SLC13A1: variants seen among roughly 807,000 people sequenced by gnomAD.
SLC13A1 encodes the protein Na(+)/sulfate cotransporter.
In SLC13A1, 65 loss-of-function variants were observed where a neutral mutation model predicts 70.0. That is an observed-to-expected ratio of 0.93 (90% CI 0.76 to 1.14). The LOEUF is 1.14. Among genes scored for constraint, SLC13A1 ranks in the 50% most tolerant of loss-of-function variants. The pLI, the probability that SLC13A1 is intolerant of heterozygous loss-of-function variation, is 0.00. For synonymous variants in SLC13A1, 275 were observed against 250.5 expected (o/e 1.10, Z -0.92); for missense variants, 726 against 717.8 (o/e 1.01, Z -0.13).
intron 11 of SLC13A1, among the ~76,000 whole-genome samples, 155 bp from the exon 12 acceptor site, chr7:123,123,390 C>A (rs974669000): frequency 2.0e-5 from 3 of 151,952 alleles, no homozygotes; most frequent in African/African-American, 7.3e-5. Flanking sequence ...TAATTTCCAC[C>A]TGGACTAGGT....
At position 123,116,652 on chromosome 7, in the gene SLC13A1, G is replaced by A. The variant is rs80098681; in HGVS notation, c.1650+819C>T. 3.3e-3 allele frequency among the ~76,000 whole-genome samples: 502 copies of A among 152,164 alleles called. 1 individual carries two copies. The highest frequency in any genetic ancestry group is 0.011 in the African/African-American group (473 of 41,496). ...GCATTACTTATATTCTATTATGCAC[G>A]TTTTCCTTACCAAATGCATATTATT... On this transcript the variant is annotated intron_variant, in intron 14 of 14. Coordinates refer to ENST00000194130, the MANE Select transcript of SLC13A1 (RefSeq NM_022444.4).
rs546735693 is a variant in SLC13A1 at position 123,197,464 on chromosome 7, C to T, written c.99+2384G>A. Among the ~76,000 whole-genome samples, 81 of 152,134 alleles carry T rather than the reference C, an allele frequency of 5.3e-4. 1 individual carries two copies. In the South Asian group the frequency reaches 0.016, roughly 30 times the overall value. On this transcript the variant is annotated intron_variant, in intron 1 of 14. Coordinates refer to ENST00000194130, the MANE Select transcript of SLC13A1 (RefSeq NM_022444.4). ...TGACTTGCATTTATGTTAAAGTAAA[C>T]TTCTCCTTAAATTTTATACCCTCCA... is the stretch of plus-strand genomic sequence containing the variant.
At position 123,171,886 on chromosome 7, in the gene SLC13A1, T is replaced by C; in HGVS notation, c.247A>G (p.Lys83Glu). ...CCAATTAGCAGTAAGTGAAAATCCT[T>C]GAAATAAGCAGATGCCACCTGAAAT... ...PSKKVASAYF[K>E]DFHLLLIGVI... Residue 83 changes from lysine (K) to glutamate (E), a missense_variant, in exon 3 of 15, where the codon AAG becomes GAG. Lys to Glu is a moderately conservative substitution (Grantham distance 56). Coordinates refer to ENST00000194130, the MANE Select transcript of SLC13A1 (RefSeq NM_022444.4). The C allele has an allele frequency of 6.2e-7, 1 of 1,612,952 alleles. No individual in the cohort carries two copies. The highest frequency in any genetic ancestry group is 1.1e-5 in the South Asian group (1 of 90,744).
At chr7:123,148,567 C>T (rs1310218169) in intron 6 of SLC13A1, 1 of 389,648 alleles carries the variant, frequency 2.6e-6, no homozygotes, top group African/African-American at 2.2e-5. Flanking sequence ...TTTGATTCTT[C>T]CTCTTCCTGT....
intron 6 of SLC13A1, among the ~76,000 whole-genome samples, chr7:123,155,841 T>C (rs2116468919): frequency 6.6e-6 from 1 of 152,200 alleles, no homozygotes; most frequent in South Asian, 2.1e-4. Flanking sequence ...CCAGTGTAGG[T>C]AGAAGGCCGG....
intron 10 of SLC13A1, among the ~76,000 whole-genome samples, chr7:123,127,814 T>G (rs1420462641): frequency 1.3e-5 from 2 of 151,104 alleles, no homozygotes; most frequent in African/African-American, 4.9e-5. Context: ...ACCTAAACAA[T>G]TTTGGTTTCT....
rs750687998 is a variant in SLC13A1 at position 123,147,223 on chromosome 7, T to G, written c.748A>C (p.Ile250Leu). ...TCLCIAYSST[I>L]GGLTTITGTS... ...CCAGTGATTGTTGTCAGTCCACCAATGGTAGAAGAGTAGGCAATGCACAAA... is the reference window on the plus strand; with the variant it reads ...CCAGTGATTGTTGTCAGTCCACCAAGGGTAGAAGAGTAGGCAATGCACAAA... Residue 250 changes from isoleucine to leucine, a missense_variant, in exon 7 of 15, where the codon ATT becomes CTT. Physicochemically the swap from Ile to Leu is conservative, Grantham distance 5 (BLOSUM62 2). Transcript: ENST00000194130. 6.2e-6 allele frequency: 10 copies of G among 1,613,650 alleles called. No individual in the cohort carries two copies. The highest frequency in any genetic ancestry group is 8.5e-6 in the Non-Finnish European group (10 of 1,179,834).
At chr7:123,195,409 T>C (rs758971952) in intron 1 of SLC13A1, among the ~76,000 whole-genome samples, 5 of 152,020 alleles carry the variant, frequency 3.3e-5, no homozygotes, top group Non-Finnish European at 5.9e-5. Context: ...TTAAAACTTA[T>C]CTGTTTTCTT....
chr7:123,169,358 G>A, intron 3 of SLC13A1, 23 bp from the exon 4 acceptor site: 1 of 1,605,978 alleles, frequency 6.2e-7, no homozygotes, highest in Non-Finnish European at 8.5e-7. Flanking sequence ...AGCCATTATT[G>A]TGGAGCTGTG....
At chr7:123,117,331 A>T (rs1321006913) in intron 14 of SLC13A1, 140 bp downstream of exon 14, 9 of 769,622 alleles carry the variant, frequency 1.2e-5, no homozygotes, top group African/African-American at 1.7e-5. Context: ...GTGATTAGTC[A>T]TGCACACTGC....
chr7:123,187,485 A>G (rs977872737), intron 1 of SLC13A1, among the ~76,000 whole-genome samples: 5 of 152,274 alleles, frequency 3.3e-5, no homozygotes, highest in African/African-American at 1.2e-4. Context: ...CAAATAAAAC[A>G]TTCCATATTC....
intron 1 of SLC13A1, among the ~76,000 whole-genome samples, chr7:123,193,256 C>T (rs530992750): frequency 6.6e-6 from 1 of 152,058 alleles, no homozygotes; most frequent in Non-Finnish European, 1.5e-5. Flanking sequence ...TCTGGGGAAG[C>T]TTATCCATAG....
intron 1 of SLC13A1, among the ~76,000 whole-genome samples, chr7:123,189,257 A>G (rs1315286392): frequency 6.6e-6 from 1 of 151,952 alleles, no homozygotes; most frequent in Non-Finnish European, 1.5e-5. Context: ...ATGAATAGCC[A>G]AAGTGCCATG....
chr7:123,175,068 T>C (rs1256810669), intron 2 of SLC13A1, among the ~76,000 whole-genome samples: 1 of 152,128 alleles, frequency 6.6e-6, no homozygotes, highest in Admixed American at 6.6e-5. Flanking sequence ...GAAGGCAAGA[T>C]GTATCTTATT....
At chr7:123,187,746 T>G (rs73217786) in intron 1 of SLC13A1, among the ~76,000 whole-genome samples, 6,677 of 152,334 alleles carry the variant, frequency 0.044, 182 homozygotes, top group Non-Finnish European at 0.065. Flanking sequence ...TTGATACATG[T>G]AGATTTATTG....
chr7:123,144,363 G>GT (rs950555849), intron 7 of SLC13A1, among the ~76,000 whole-genome samples: 2 of 152,148 alleles, frequency 1.3e-5, no homozygotes, highest in African/African-American at 4.8e-5. Context: ...TTGGGGCACT[G>GT]TAAGTTTTAG....
chr7:123,173,387 G>A (rs1795337543), intron 2 of SLC13A1, among the ~76,000 whole-genome samples: 2 of 151,934 alleles, frequency 1.3e-5, no homozygotes, highest in Admixed American at 1.3e-4. Context: ...TTTACATTTT[G>A]TAGTGATTGG....
At chr7:123,171,679 C>T in intron 3 of SLC13A1, 89 bp downstream of exon 3, 1 of 1,297,216 alleles carries the variant, frequency 7.7e-7, no homozygotes, top group Non-Finnish European at 1.1e-6. Context: ...AAAGAATTTC[C>T]TGGGCGTGAA....
At chr7:123,156,261 A>C (rs1000712753) in intron 6 of SLC13A1, among the ~76,000 whole-genome samples, 1 of 152,016 alleles carries the variant, frequency 6.6e-6, no homozygotes, top group Non-Finnish European at 1.5e-5. Context: ...ATGTTTATAT[A>C]ATTTGGATTA....
Sources: allele counts gnomAD v4.1 joint callset (sites outside exome capture counted in the v4.1 genomes callset), GRCh38; gene constraint gnomAD v4.1.1; transcripts MANE v1.5; gene names NCBI Gene and HGNC (gene_info 2026-07-23, HGNC 2026-07-21).